The following ZC4H2 variants were observed in gnomAD, a reference collection of about 807,000 sequenced individuals.
The protein encoded by ZC4H2 is zinc finger C4H2-type containing.
For missense variants in ZC4H2, 137 were observed against 173.9 expected (o/e 0.79, Z 1.19); for synonymous variants, 84 against 66.3 (o/e 1.27, Z -1.30).
At chrX:64,938,976 T>C (rs1415060580) in intron 1 of ZC4H2, among the ~76,000 whole-genome samples, 1 of 111,974 alleles carries the variant, frequency 8.9e-6, no homozygotes, top group East Asian at 2.8e-4. Flanking sequence ...GGTATTCAAA[T>C]AGAAAGAGAG....
chrX:64,965,154 GT>G (rs1014267755), intron 1 of ZC4H2, among the ~76,000 whole-genome samples: 10 of 111,802 alleles, frequency 8.9e-5, no homozygotes, highest in Non-Finnish European at 1.9e-4. Flanking sequence ...TCCCAGTATG[GT>G]TTTTGGTAGA....
chrX:64,965,612 A>T (rs1360287788), intron 1 of ZC4H2: 2 of 252,503 alleles, frequency 7.9e-6, no homozygotes, highest in Non-Finnish European at 1.5e-5. Context: ...TCCATAAAAA[A>T]TACTGATAAA....
intron 1 of ZC4H2, among the ~76,000 whole-genome samples, chrX:65,012,491 C>A (rs6524951): frequency 0.24 from 26,536 of 110,422 alleles, 7,704 homozygotes; most frequent in African/African-American, 0.83. Context: ...AAACCTTTCC[C>A]TCTCTTGCTC....
chrX:64,999,762 C>T (rs1490947197), intron 1 of ZC4H2, among the ~76,000 whole-genome samples: 1 of 112,056 alleles, frequency 8.9e-6, no homozygotes, highest in Non-Finnish European at 1.9e-5. Flanking sequence ...GGGGGACGGG[C>T]ATCCACCATT....
intron 1 of ZC4H2, among the ~76,000 whole-genome samples, chrX:64,981,870 A>G (rs182129400): frequency 1.1e-3 from 124 of 111,116 alleles, no homozygotes; most frequent in African/African-American, 3.9e-3. Flanking sequence ...CAGAATTTGT[A>G]TCTGCTTACA....
chrX:65,005,231 C>T (rs928867102), intron 1 of ZC4H2, among the ~76,000 whole-genome samples: 3 of 111,680 alleles, frequency 2.7e-5, no homozygotes, highest in Non-Finnish European at 5.6e-5. Context: ...GAAAAAACTA[C>T]TTTAAATTTC....
chrX:65,032,734 T>TTTCCTTCCTTCCTTCCTTCCTTCCTTCC (rs59235733), intron 1 of ZC4H2, among the ~76,000 whole-genome samples: 2 of 86,798 alleles, frequency 2.3e-5, no homozygotes, highest in African/African-American at 4.6e-5. Context: ...TTCTTCTTTC[T>TTTCCTTCCTTCCTTCCTTCCTTCCTTCC]TTCCTTCCTT....
intron 1 of ZC4H2, among the ~76,000 whole-genome samples, chrX:64,946,990 T>G (rs1045610384): frequency 8.9e-6 from 1 of 111,852 alleles, no homozygotes; most frequent in Admixed American, 9.5e-5. Flanking sequence ...GTGCTGTTAA[T>G]TTTTTTCATT....
intron 1 of ZC4H2, among the ~76,000 whole-genome samples, chrX:65,031,139 T>G (rs1389101938): frequency 8.9e-6 from 1 of 111,786 alleles, no homozygotes; most frequent in African/African-American, 3.3e-5. Flanking sequence ...CCATGAGATA[T>G]AGACCTTTTC....
At chrX:64,976,636 A>G (rs1482595702), upstream of ZC4H2, 3 of 392,887 alleles carry the variant, frequency 7.6e-6, no homozygotes, top group Non-Finnish European at 1.3e-5. Context: ...TCAATTTGTT[A>G]TAGATAATTA....
chrX:64,938,101 A>T (rs987892471), intron 1 of ZC4H2, among the ~76,000 whole-genome samples: 4 of 112,358 alleles, frequency 3.6e-5, no homozygotes, highest in Non-Finnish European at 7.5e-5. Flanking sequence ...GACATAGGGC[A>T]TATCACTACT....
At chrX:64,994,410 A>G (rs1932369583) in intron 1 of ZC4H2, among the ~76,000 whole-genome samples, 1 of 112,117 alleles carries the variant, frequency 8.9e-6, no homozygotes, top group Admixed American at 9.5e-5. Context: ...AAGTCAAATA[A>G]AACAAGTCAA....
At chrX:64,988,643 T>C (rs1381717979) in intron 1 of ZC4H2, among the ~76,000 whole-genome samples, 1 of 111,048 alleles carries the variant, frequency 9.0e-6, no homozygotes, top group East Asian at 2.8e-4. Flanking sequence ...CTTGAGTAGA[T>C]TGCAAAAATT....
chrX:64,953,645 G>T (rs184253053), intron 1 of ZC4H2, among the ~76,000 whole-genome samples: 2 of 110,498 alleles, frequency 1.8e-5, no homozygotes, highest in East Asian at 5.7e-4. Flanking sequence ...CCAGAATGGC[G>T]ATCATTAAAA....
Position 64,954,356 on chromosome X carries a change from T to TTATATATATATATATA in ZC4H2, c.53+21953_53+21968dup, listed in dbSNP as rs777562741. Among the ~76,000 whole-genome samples, 6 of 67,380 alleles carry TTATATATATATATATA rather than the reference T, an allele frequency of 8.9e-5. 1 individual carries two copies. The highest frequency in any genetic ancestry group is 8.3e-4 in the African/African-American group (6 of 7,198). The allele number at this position is 67,380 out of a possible 115,157, so 58.5% of individuals were successfully genotyped here. ...TATATATAATTATATATATATATAATTATATATATATATATAATTATATAT... is the reference window on the plus strand; with the variant it reads ...TATATATAATTATATATATATATAATTATATATATATATATATATATATATATATATAATTATATAT... On this transcript the variant is annotated intron_variant, in intron 1 of 4. Coordinates refer to ENST00000374839, the MANE Select transcript of ZC4H2 (RefSeq NM_018684.4).
At chrX:64,944,141 CTTT>C (rs746540220) in intron 1 of ZC4H2, among the ~76,000 whole-genome samples, 3 of 89,140 alleles carry the variant, frequency 3.4e-5, no homozygotes, top group African/African-American at 4.4e-5. Context: ...TTTCTTTTTT[CTTT>C]TTTTTTTTTT....
chrX:64,990,547 C>A (rs1337764580), intron 1 of ZC4H2, among the ~76,000 whole-genome samples: 1 of 111,766 alleles, frequency 8.9e-6, no homozygotes, highest in African/African-American at 3.3e-5. Flanking sequence ...CTATCTGTAT[C>A]ATTTTTCTGC....
In ZC4H2 at chrX:64,917,142, C is replaced by T. The variant is rs1166194979; in HGVS notation, c.*641G>A. On this transcript the variant is annotated 3_prime_UTR_variant, in exon 5 of 5. Coordinates refer to ENST00000374839, the MANE Select transcript of ZC4H2 (RefSeq NM_018684.4). The stretch of plus-strand genomic sequence containing the variant: ...GGGAAAGGTTCATTGATCTTAAGAT[C>T]CCAAGACACACAGCCTAGTACCTAA... 2 of 111,939 alleles carry T rather than the reference C, an allele frequency of 1.8e-5. No individual in the cohort carries two copies. The highest frequency in any genetic ancestry group is 3.8e-5 in the Non-Finnish European group (2 of 53,162). 9.2% of individuals were successfully genotyped at this position (111,939 alleles called of 1,213,427 possible).
chrX:64,960,047 C>T lies in ZC4H2; in HGVS notation c.53+16278G>A, dbSNP rs141678146. Among the ~76,000 whole-genome samples the T allele has an allele frequency of 7.6e-4, 84 of 110,766 alleles. 1 individual carries two copies. In the East Asian group the frequency reaches 0.017, roughly 23 times the overall value. On this transcript the variant is annotated intron_variant, in intron 1 of 4. Transcript: ENST00000374839. ...TTATATGAAAAAATAGCACTTAAGT[C>T]ACTGGACTTCAGGCAAGTAAGGTCA... is the stretch of plus-strand genomic sequence containing the variant.
Sources: gnomAD v4.1 joint callset for allele counts (sites outside exome capture counted in the v4.1 genomes callset) on GRCh38, gnomAD v4.1.1 for gene constraint, MANE v1.5 for transcripts, NCBI Gene and HGNC (gene_info 2026-07-23, HGNC 2026-07-21) for gene names.